The following DLG2 variants were observed in gnomAD, a reference collection of about 807,000 sequenced individuals.
The protein encoded by DLG2 is discs large MAGUK scaffold protein 2.
In DLG2, 45 loss-of-function variants were observed where a neutral mutation model predicts 132.5. The observed-to-expected ratio is 0.34, with a 90% confidence interval of 0.27 to 0.44. The LOEUF (loss-of-function observed/expected upper bound fraction) is 0.44. DLG2 is among the 20% of genes least tolerant of loss of function. The probability of loss-of-function intolerance (pLI) is 1.00; values close to 1 mark genes in which losing one functional copy is unlikely to be tolerated. For synonymous variants in DLG2, 424 were observed against 419.6 expected (o/e 1.01, Z -0.13); for missense variants, 1,045 against 1,196.9 (o/e 0.87, Z 1.87).
Position 84,234,555 on chromosome 11 carries a change from G to GC in DLG2, c.573+16682dup, listed in dbSNP as rs572327673. 4.8e-4 allele frequency among the ~76,000 whole-genome samples: 73 copies of GC among 152,086 alleles called. No individual in the cohort carries two copies. In the East Asian group the frequency reaches 0.013, roughly 27 times the overall value. On this transcript the variant is annotated intron_variant, in intron 8 of 27. Coordinates refer to ENST00000376104, the MANE Select transcript of DLG2 (RefSeq NM_001142699.3). ...ATGTAAACCAAAAATAAAATTCTAA[G>GC]CCCCCCAACCAACCAAATGGACCCC...
At chr11:84,029,859 A>T (rs899381871) in intron 11 of DLG2, among the ~76,000 whole-genome samples, 1 of 152,136 alleles carries the variant, frequency 6.6e-6, no homozygotes, top group Non-Finnish European at 1.5e-5. Flanking sequence ...TACTTAAGGA[A>T]ATATTATACA....
At chr11:85,465,427 G>T (rs1383831789) in intron 3 of DLG2, among the ~76,000 whole-genome samples, 3 of 151,992 alleles carry the variant, frequency 2.0e-5, no homozygotes, top group Admixed American at 6.6e-5. Flanking sequence ...TTAACATTAG[G>T]TATATCTCCT....
At chr11:84,965,328 A>T (rs992959161) in intron 6 of DLG2, among the ~76,000 whole-genome samples, 2 of 151,998 alleles carry the variant, frequency 1.3e-5, no homozygotes, top group African/African-American at 4.8e-5. Context: ...AAATTATGAT[A>T]TCAAATGTTC....
At chr11:84,057,192 AT>A (rs2096518428) in intron 11 of DLG2, among the ~76,000 whole-genome samples, 1 of 152,170 alleles carries the variant, frequency 6.6e-6, no homozygotes, top group Non-Finnish European at 1.5e-5. Context: ...AGTGTCAAAA[AT>A]AAAGATCTAA....
chr11:83,736,313 AG>A (rs1212901852), intron 18 of DLG2, among the ~76,000 whole-genome samples: 1 of 152,116 alleles, frequency 6.6e-6, no homozygotes, highest in Admixed American at 6.6e-5. Flanking sequence ...ATAGGGGAAA[AG>A]GGTATTACAC....
intron 4 of DLG2, among the ~76,000 whole-genome samples, chr11:85,181,753 T>C (rs2079718536): frequency 6.6e-6 from 1 of 151,750 alleles, no homozygotes; most frequent in Admixed American, 6.6e-5. Flanking sequence ...GTGATGAATA[T>C]TGTTTTCCAG....
intron 7 of DLG2, among the ~76,000 whole-genome samples, chr11:84,474,596 G>A (rs1445348581): frequency 3.9e-5 from 6 of 151,964 alleles, no homozygotes; most frequent in Non-Finnish European, 8.8e-5. Flanking sequence ...CTATACATGA[G>A]GCAACAGGCT....
chr11:85,461,144 C>T (rs891660653), intron 3 of DLG2, among the ~76,000 whole-genome samples: 1 of 152,126 alleles, frequency 6.6e-6, no homozygotes, highest in African/African-American at 2.4e-5. Flanking sequence ...CCAGGGAATC[C>T]AGCATATCAA....
chr11:83,459,982 A>G, intron 27 of DLG2, 58 bp from the exon 28 acceptor site: 2 of 979,992 alleles, frequency 2.0e-6, no homozygotes, highest in South Asian at 1.4e-5. Context: ...GGTGAAGAAC[A>G]ATCATCACTT....
chr11:83,819,809 G>A (rs1482645862), intron 17 of DLG2, among the ~76,000 whole-genome samples: 1 of 152,052 alleles, frequency 6.6e-6, no homozygotes, highest in African/African-American at 2.4e-5. Context: ...CTTCAAGCAG[G>A]AGAATTATAG....
chr11:83,570,880 T>C (rs929205706), intron 19 of DLG2, among the ~76,000 whole-genome samples: 5 of 152,128 alleles, frequency 3.3e-5, no homozygotes, highest in Admixed American at 3.3e-4. Context: ...TGAGTTACTA[T>C]AGTTATTTAT....
chr11:85,055,877 T>C (rs2063400736), intron 6 of DLG2, among the ~76,000 whole-genome samples: 1 of 152,070 alleles, frequency 6.6e-6, no homozygotes, highest in Non-Finnish European at 1.5e-5. Flanking sequence ...TGGGGATAGA[T>C]ATAGGGGAAC....
chr11:84,170,919 T>A (rs7927940), intron 8 of DLG2, among the ~76,000 whole-genome samples: 11,544 of 152,220 alleles, frequency 0.076, 515 homozygotes, highest in African/African-American at 0.11. Context: ...AGATCCTAAC[T>A]GGCAACCCAT....
chr11:85,018,786 C>T (rs2059782255), intron 6 of DLG2, among the ~76,000 whole-genome samples: 1 of 145,798 alleles, frequency 6.9e-6, no homozygotes, highest in South Asian at 2.3e-4. Context: ...AGAAAACATG[C>T]CTTCTTTTTT....
intron 6 of DLG2, among the ~76,000 whole-genome samples, chr11:84,828,308 T>C (rs2153990295): frequency 6.6e-6 from 1 of 151,888 alleles, no homozygotes; most frequent in East Asian, 2.0e-4. Context: ...GCCAAAACAA[T>C]TCTCCAGCCA....
At chr11:85,302,313 T>G (rs2079636582) in intron 3 of DLG2, among the ~76,000 whole-genome samples, 1 of 152,208 alleles carries the variant, frequency 6.6e-6, no homozygotes, top group African/African-American at 2.4e-5. Flanking sequence ...ATAACATATT[T>G]TACTCATTTA....
At chr11:85,079,991 G>C (rs2067035565) in intron 6 of DLG2, among the ~76,000 whole-genome samples, 1 of 152,054 alleles carries the variant, frequency 6.6e-6, no homozygotes, top group African/African-American at 2.4e-5. Context: ...TTATGATTGA[G>C]ACGGATGGAA....
At chr11:84,783,738 T>G (rs985302519) in intron 6 of DLG2, among the ~76,000 whole-genome samples, 1 of 152,190 alleles carries the variant, frequency 6.6e-6, no homozygotes, top group African/African-American at 2.4e-5. Flanking sequence ...GCAACTGATC[T>G]AGAGTCAGAA....
chr11:84,200,350 T>A (rs1038524307), intron 8 of DLG2, among the ~76,000 whole-genome samples: 7 of 151,998 alleles, frequency 4.6e-5, no homozygotes, highest in African/African-American at 7.2e-5. Flanking sequence ...TACAGAAAAA[T>A]TTTAAAAGTC....
Sources: allele counts gnomAD v4.1 joint callset (sites outside exome capture counted in the v4.1 genomes callset), GRCh38; gene constraint gnomAD v4.1.1; transcripts MANE v1.5; gene names NCBI Gene and HGNC (gene_info 2026-07-23, HGNC 2026-07-21).